Variants in DYM observed in about 807,000 individuals in gnomAD.
DYM encodes the protein dymeclin.
DYM carries 78 observed loss-of-function variants against 93.1 expected under a neutral mutation model. The observed-to-expected ratio is 0.84, with a 90% CI of 0.70 to 1.01. The LOEUF is 1.01. Ranked by LOEUF, DYM falls within the 50% of genes least tolerant of loss-of-function variation. The pLI is 0.00. For synonymous variants in DYM, 321 were observed against 319.7 expected, an observed-to-expected ratio of 1.00 and a Z score of -0.04; for missense variants, 789 against 845.0, an observed-to-expected ratio of 0.93 and a Z score of 0.82.
At chr18:49,171,446 G>A (rs2088710384) in intron 14 of DYM, among the ~76,000 whole-genome samples, 1 of 152,248 alleles carries the variant, frequency 6.6e-6, no homozygotes, top group South Asian at 2.1e-4. Flanking sequence ...CCTGGGAGCA[G>A]ATGATTTACA....
intron 14 of DYM, chr18:49,206,719 CA>C (rs2092531179): frequency 6.6e-6 from 1 of 152,214 alleles, no homozygotes; most frequent in Non-Finnish European, 1.5e-5. Context: ...TGCCCCTAGC[CA>C]CTACACTATA....
intron 13 of DYM, among the ~76,000 whole-genome samples, chr18:49,239,784 A>G (rs4939853): frequency 0.9 from 137,720 of 152,250 alleles, 62,499 homozygotes; most frequent in Middle Eastern, 0.95. Flanking sequence ...CAAGTAGAGA[A>G]TCAGTTAGCT....
chr18:49,350,743 CA>C (rs1358805060), intron 6 of DYM, among the ~76,000 whole-genome samples: 1 of 121,098 alleles, frequency 8.3e-6, no homozygotes, highest in Non-Finnish European at 1.8e-5. Flanking sequence ...AAAAAAAAAA[CA>C]AGAAACACTT....
chr18:49,078,943 G>T (rs2077545774), intron 17 of DYM, among the ~76,000 whole-genome samples: 1 of 152,146 alleles, frequency 6.6e-6, no homozygotes, highest in African/African-American at 2.4e-5. Flanking sequence ...AAGGTTAATT[G>T]AGTTGTTCCC....
At chr18:49,409,192 G>C (rs1476653763) in intron 2 of DYM, among the ~76,000 whole-genome samples, 3 of 150,676 alleles carry the variant, frequency 2.0e-5, no homozygotes, top group African/African-American at 7.3e-5. Context: ...GCTGAGGCAG[G>C]AGAATCACTT....
At chr18:49,425,115 C>G (rs1045879690) in intron 2 of DYM, among the ~76,000 whole-genome samples, 13 of 152,160 alleles carry the variant, frequency 8.5e-5, no homozygotes, top group African/African-American at 2.9e-4. Flanking sequence ...AACAAAGCTG[C>G]AGGCATCACA....
chr18:49,157,643 T>C lies in DYM; in HGVS notation c.1728+6042A>G, dbSNP rs1469335391. Among the ~76,000 whole-genome samples the C allele has an allele frequency of 2.8e-4, 43 of 152,202 alleles. 1 individual carries two copies. The highest frequency in any genetic ancestry group is 2.8e-3 in the Admixed American group (43 of 15,284). On this transcript the variant is annotated intron_variant, in intron 15 of 17. Coordinates refer to ENST00000675505, the MANE Select transcript of DYM (RefSeq NM_001353214.3). ...CCATTATCTTTTTATTATTGATCTC[T>C]TCACATATTATAGATACTAGTCCCT...
chr18:49,134,484 A>G (rs1240517468), intron 15 of DYM, among the ~76,000 whole-genome samples: 1 of 152,232 alleles, frequency 6.6e-6, no homozygotes, highest in Non-Finnish European at 1.5e-5. Context: ...TTTCAAAAGG[A>G]AAGTTCCCTC....
intron 8 of DYM, among the ~76,000 whole-genome samples, chr18:49,290,071 T>C (rs904317259): frequency 6.6e-6 from 1 of 151,658 alleles, no homozygotes; most frequent in Non-Finnish European, 1.5e-5. Context: ...GCAATTCTTT[T>C]TTTTTTTCTA....
intron 8 of DYM, among the ~76,000 whole-genome samples, chr18:49,307,181 G>A (rs2146286473): frequency 6.6e-6 from 1 of 152,206 alleles, no homozygotes; most frequent in South Asian, 2.1e-4. Context: ...CGTAGTATGA[G>A]TCAGGATTAA....
intron 1 of DYM, among the ~76,000 whole-genome samples, chr18:49,459,257 G>A (rs2083269842): frequency 6.6e-6 from 1 of 152,140 alleles, no homozygotes; most frequent in Non-Finnish European, 1.5e-5. Context: ...GCTTAAGGCA[G>A]ACACCTAACC....
At chr18:49,445,364 C>T (rs1389154644) in intron 1 of DYM, among the ~76,000 whole-genome samples, 1 of 152,064 alleles carries the variant, frequency 6.6e-6, no homozygotes, top group African/African-American at 2.4e-5. Flanking sequence ...AGGATAGGTA[C>T]AGAAACCATT....
chr18:49,168,010 G>A (rs570759977), intron 14 of DYM, among the ~76,000 whole-genome samples: 1 of 151,104 alleles, frequency 6.6e-6, no homozygotes, highest in African/African-American at 2.5e-5. Flanking sequence ...AAACAATGTT[G>A]AGTAAAAAAA....
At chr18:49,326,638 G>T (rs993244539) in intron 8 of DYM, among the ~76,000 whole-genome samples, 5 of 152,136 alleles carry the variant, frequency 3.3e-5, no homozygotes, top group African/African-American at 1.2e-4. Flanking sequence ...ATAATAAACA[G>T]AAGGAAGAGA....
intron 15 of DYM, among the ~76,000 whole-genome samples, chr18:49,145,134 T>TATATATAAAA (rs1555778609): frequency 2.5e-5 from 2 of 79,574 alleles, no homozygotes; most frequent in Non-Finnish European, 5.1e-5. Context: ...TATATATATA[T>TATATATAAAA]AATTTATATA....
At chr18:49,335,812 C>CTTTTTTT (rs35594525) in intron 6 of DYM, among the ~76,000 whole-genome samples, 1 of 147,208 alleles carries the variant, frequency 6.8e-6, no homozygotes, top group Non-Finnish European at 1.5e-5. Flanking sequence ...CGTTTTCTGT[C>CTTTTTTT]TTTTTTTTTT....
At chr18:49,089,186 T>A (rs975336419) in intron 17 of DYM, among the ~76,000 whole-genome samples, 12 of 152,124 alleles carry the variant, frequency 7.9e-5, no homozygotes, top group African/African-American at 2.4e-4. Flanking sequence ...CTAAATGAGA[T>A]CACCTATATA....
intron 1 of DYM, among the ~76,000 whole-genome samples, chr18:49,440,999 A>ATTATAT (rs1568452237): frequency 0.027 from 84 of 3,080 alleles, 34 homozygotes; most frequent in Non-Finnish European, 0.033. Flanking sequence ...TATATAATAT[A>ATTATAT]TTTATATATT....
chr18:49,374,737 T>G (rs1298658926), intron 5 of DYM, among the ~76,000 whole-genome samples: 1 of 152,122 alleles, frequency 6.6e-6, no homozygotes, highest in African/African-American at 2.4e-5. Context: ...GGTGGGCAGA[T>G]CACATGAGGT....
Sources: allele counts gnomAD v4.1 joint callset (sites outside exome capture counted in the v4.1 genomes callset), GRCh38; gene constraint gnomAD v4.1.1; transcripts MANE v1.5; gene names NCBI Gene and HGNC (gene_info 2026-07-23, HGNC 2026-07-21).